The following RYR2 variants were observed in gnomAD, a reference collection of about 807,000 sequenced individuals.
The protein encoded by RYR2 is ryanodine receptor 2.
Under a neutral mutation model 601.1 loss-of-function variants are expected in RYR2, and 227 were observed. The ratio of observed to expected loss-of-function variants is 0.38; its 90% CI spans 0.34 to 0.42. The LOEUF is 0.42. RYR2 is among the 10% of genes least tolerant of loss of function. RYR2 has a pLI of 1.00. For missense variants in RYR2, 4,646 were observed against 6,156.5 expected, an observed-to-expected ratio of 0.75 and a Z score of 8.21; for synonymous variants, 2,223 against 2,175.1, an observed-to-expected ratio of 1.02 and a Z score of -0.61.
intron 1 of RYR2, among the ~76,000 whole-genome samples, chr1:237,087,541 T>C (rs1666481398): frequency 6.6e-6 from 1 of 152,220 alleles, no homozygotes. Context: ...GGTAGATTTA[T>C]TTCTAATGCC....
At chr1:237,291,118 G>T (rs945376290) in intron 2 of RYR2, among the ~76,000 whole-genome samples, 5 of 152,136 alleles carry the variant, frequency 3.3e-5, no homozygotes, top group Admixed American at 3.3e-4. Context: ...TTGGGACCCA[G>T]CAAATTCAAT....
At chr1:237,285,692 T>C (rs903605887) in intron 2 of RYR2, among the ~76,000 whole-genome samples, 1 of 152,174 alleles carries the variant, frequency 6.6e-6, no homozygotes, top group African/African-American at 2.4e-5. Context: ...AATTACCATT[T>C]CAATCTCACT....
chr1:237,737,118 T>G (rs549379529), intron 79 of RYR2, among the ~76,000 whole-genome samples: 34 of 152,282 alleles, frequency 2.2e-4, no homozygotes, highest in African/African-American at 8.2e-4. Flanking sequence ...AATAGGTTGT[T>G]TCTGATTGTT....
intron 1 of RYR2, among the ~76,000 whole-genome samples, chr1:237,266,747 C>T (rs1004314848): frequency 5.9e-5 from 9 of 152,156 alleles, no homozygotes; most frequent in African/African-American, 1.9e-4. Flanking sequence ...AGTTGAACCA[C>T]GATTGAAAGC....
At chr1:237,267,799 G>A (rs1467542109) in intron 1 of RYR2, among the ~76,000 whole-genome samples, 1 of 152,206 alleles carries the variant, frequency 6.6e-6, no homozygotes, top group Non-Finnish European at 1.5e-5. Context: ...TCTAGAAGCA[G>A]TGTGGGATGG....
At chr1:237,718,045 A>G (rs561631147) in intron 72 of RYR2, among the ~76,000 whole-genome samples, 1 of 152,336 alleles carries the variant, frequency 6.6e-6, no homozygotes, top group African/African-American at 2.4e-5. Context: ...ACGCAGCTCT[A>G]CTGGCAGTTC....
intron 96 of RYR2, among the ~76,000 whole-genome samples, chr1:237,795,643 G>C (rs1455432489): frequency 6.6e-6 from 1 of 151,114 alleles, no homozygotes; most frequent in Non-Finnish European, 1.5e-5. Flanking sequence ...TCGAGATGGG[G>C]TTTCGCCATG....
chr1:237,499,224 G>A (rs1664386223), intron 20 of RYR2, among the ~76,000 whole-genome samples: 1 of 152,090 alleles, frequency 6.6e-6, no homozygotes, highest in South Asian at 2.1e-4. Context: ...TTTTAGCTAT[G>A]TCTTCATTTC....
chr1:237,191,544 T>A (rs1679968059), intron 1 of RYR2, among the ~76,000 whole-genome samples: 1 of 152,146 alleles, frequency 6.6e-6, no homozygotes, highest in Admixed American at 6.5e-5. Context: ...AAATGTGAGC[T>A]GTTGGATAGA....
rs563852776 is a variant in RYR2, at chr1:237,311,870, T to G, written c.169-19008T>G. 9.2e-5 allele frequency among the ~76,000 whole-genome samples: 14 copies of G among 152,304 alleles called. No individual in the cohort carries two copies. In the South Asian group the frequency reaches 2.9e-3, roughly 32 times the overall value. ...TTTGGGAAAACACTTACTCTTATCA[T>G]AGAAGTGGCTGAAATAATACTGAGA... On this transcript the variant is annotated intron_variant, in intron 2 of 104. Transcript: ENST00000366574.
intron 2 of RYR2, 93 bp downstream of exon 2, chr1:237,270,709 A>C: frequency 7.4e-7 from 1 of 1,348,324 alleles, no homozygotes; most frequent in Non-Finnish European, 1.0e-6. Context: ...TCTGTGGAAT[A>C]CATACTATAT....
intron 1 of RYR2, among the ~76,000 whole-genome samples, chr1:237,221,276 T>C (rs1458820329): frequency 1.3e-5 from 2 of 152,176 alleles, no homozygotes; most frequent in African/African-American, 2.4e-5. Flanking sequence ...ATGGAAAACA[T>C]TGATTAGATG....
chr1:237,732,092 T>TTGATCC lies in RYR2; in HGVS notation c.10984_10989dup (p.Asp3662_Pro3663dup). Reference sequence around the variant, plus strand: ...GAAGAAGATGAAGGCACTAAGAGAGTTGATCCTCTACATCAGCTGATCCTT... The same window carrying TTGATCC: ...GAAGAAGATGAAGGCACTAAGAGAGTTGATCCTGATCCTCTACATCAGCTGATCCTT... On this transcript the variant is annotated inframe_insertion, in exon 78 of 105. Coordinates refer to ENST00000366574, the MANE Select transcript of RYR2 (RefSeq NM_001035.3). The TTGATCC allele has an allele frequency of 6.2e-7, 1 of 1,611,792 alleles. No individual in the cohort carries two copies. The highest frequency in any genetic ancestry group is 1.3e-5 in the African/African-American group (1 of 74,856).
intron 48 of RYR2, among the ~76,000 whole-genome samples, chr1:237,645,916 G>A (rs1274468914): frequency 2.1e-5 from 3 of 143,944 alleles, no homozygotes; most frequent in Non-Finnish European, 3.0e-5. Flanking sequence ...TCACTCTGTC[G>A]CCCAGGCTGG....
intron 84 of RYR2, among the ~76,000 whole-genome samples, chr1:237,764,985 C>G (rs1411658621): frequency 1.3e-5 from 2 of 150,728 alleles, no homozygotes; most frequent in Non-Finnish European, 2.9e-5. Context: ...AGTTTGACCT[C>G]TGTCTCCTTT....
Position 237,709,426 on chromosome 1 carries a change from T to A in RYR2, c.10143-54T>A, listed in dbSNP as rs371308940. 9.6e-4 allele frequency: 975 copies of A among 1,018,178 alleles called. 6 individuals are homozygous for A. Among genetic ancestry groups the A allele is most frequent in the Non-Finnish European group, 1.3e-3 (918 of 681,262 alleles). 63.1% of individuals were successfully genotyped at this position (1,018,178 alleles called of 1,614,324 possible). A position where few individuals can be genotyped will look rare whatever the true frequency, so the allele number is the denominator to read the frequency against. ...CTTTGGGGGGATGGTTTTTTTTTTT[T>A]AAATTAACTTTAAGGAGTAGCTGAG... On this transcript the variant is annotated intron_variant, in intron 69 of 104. Coordinates refer to ENST00000366574, the MANE Select transcript of RYR2 (RefSeq NM_001035.3).
At chr1:237,295,632 C>T (rs1171091750) in intron 2 of RYR2, among the ~76,000 whole-genome samples, 1 of 151,982 alleles carries the variant, frequency 6.6e-6, no homozygotes, top group Non-Finnish European at 1.5e-5. Flanking sequence ...GTATTTTAAA[C>T]GTTGTAATAA....
intron 14 of RYR2, among the ~76,000 whole-genome samples, chr1:237,446,245 T>C (rs906068555): frequency 6.6e-6 from 1 of 152,200 alleles, no homozygotes; most frequent in Non-Finnish European, 1.5e-5. Context: ...AAATTAAACT[T>C]GTGACCAACA....
chr1:237,622,877 A>G (rs1679218047), intron 38 of RYR2, among the ~76,000 whole-genome samples: 1 of 152,228 alleles, frequency 6.6e-6, no homozygotes, highest in Non-Finnish European at 1.5e-5. Context: ...CTCCATGGAT[A>G]CTAAAGGATG....
Sources: allele counts gnomAD v4.1 joint callset (sites outside exome capture counted in the v4.1 genomes callset), GRCh38; gene constraint gnomAD v4.1.1; transcripts MANE v1.5; gene names NCBI Gene and HGNC (gene_info 2026-07-23, HGNC 2026-07-21).